Variants in CAMK2D observed in about 807,000 individuals in gnomAD.
The protein encoded by CAMK2D is calcium/calmodulin dependent protein kinase II delta.
Under a neutral mutation model 84.0 loss-of-function variants are expected in CAMK2D, and 37 were observed. That is an observed-to-expected ratio of 0.44 (90% CI 0.34 to 0.58). The LOEUF (loss-of-function observed/expected upper bound fraction) is 0.58, where lower values mean the gene tolerates loss of function less well. CAMK2D is among the 20% of genes least tolerant of loss of function. CAMK2D has a pLI of 0.02. For missense variants in CAMK2D, 448 were observed against 652.5 expected (o/e 0.69, Z 3.41); for synonymous variants, 202 against 212.5 (o/e 0.95, Z 0.43).
intron 2 of CAMK2D, among the ~76,000 whole-genome samples, chr4:113,710,917 G>A (rs2099490292): frequency 6.6e-6 from 1 of 152,090 alleles, no homozygotes; most frequent in African/African-American, 2.4e-5. Flanking sequence ...TCTAATGCAT[G>A]TCTTCTTTGG....
At chr4:113,719,882 G>T (rs1008222246) in intron 2 of CAMK2D, among the ~76,000 whole-genome samples, 10 of 152,136 alleles carry the variant, frequency 6.6e-5, no homozygotes, top group African/African-American at 1.7e-4. Context: ...ACAGAACTCA[G>T]AGAGACTACA....
chr4:113,469,437 T>TAAA (rs1309794661), intron 16 of CAMK2D, among the ~76,000 whole-genome samples: 6 of 152,340 alleles, frequency 3.9e-5, no homozygotes, highest in African/African-American at 1.4e-4. Context: ...GTTATCCTTC[T>TAAA]CTACCTGGAT....
chr4:113,601,382 A>G (rs115208123), intron 4 of CAMK2D, among the ~76,000 whole-genome samples: 1,557 of 152,290 alleles, frequency 0.01, 34 homozygotes, highest in African/African-American at 0.036. Flanking sequence ...TAATTGTTTT[A>G]TTAATTTTTC....
intron 2 of CAMK2D, among the ~76,000 whole-genome samples, chr4:113,689,783 T>C (rs1029871611): frequency 6.6e-6 from 1 of 152,170 alleles, no homozygotes. Flanking sequence ...TCTGAAATTA[T>C]CACATTTTAT....
chr4:113,613,457 T>C (rs1561359265), intron 3 of CAMK2D, among the ~76,000 whole-genome samples: 1 of 151,770 alleles, frequency 6.6e-6, no homozygotes, highest in Non-Finnish European at 1.5e-5. Flanking sequence ...AGAGAAGAAA[T>C]AAAAAAATTA....
In CAMK2D at chr4:113,452,248, G is replaced by A. The variant is rs1267750148; in HGVS notation, c.*2297C>T. 6.6e-6 allele frequency: 1 copy of A among 151,760 alleles called. No individual in the cohort carries two copies. Among genetic ancestry groups the A allele is most frequent in the African/African-American group, 2.4e-5 (1 of 41,322 alleles). 9.4% of individuals were successfully genotyped at this position (151,760 alleles called of 1,614,324 possible). ...TGTTCTCAGCAACATTTTCCCAGAA[G>A]AGACCATTGTTTTGCTCACAGAGAA... On this transcript the variant is annotated 3_prime_UTR_variant, in exon 21 of 21. Coordinates refer to ENST00000511664, the MANE Select transcript of CAMK2D (RefSeq NM_001321571.2).
At chr4:113,601,441 A>C (rs992843535) in intron 4 of CAMK2D, among the ~76,000 whole-genome samples, 9 of 152,136 alleles carry the variant, frequency 5.9e-5, no homozygotes, top group South Asian at 2.1e-4. Flanking sequence ...GAAAAAAAAA[A>C]CCACTAAAAT....
rs559857549 is a variant in CAMK2D at position 113,572,213 on chromosome 4, A to G, written c.276-20117T>C. Among the ~76,000 whole-genome samples, 14 of 152,300 alleles carry G rather than the reference A, an allele frequency of 9.2e-5. No individual in the cohort carries two copies. The South Asian group carries it at 2.9e-3, about 32-fold the overall frequency. ...AACTGTTTAAATAGAACTCATTTAC[A>G]TAAGAATTGTGTTGATAAAAATGTT... On this transcript the variant is annotated intron_variant, in intron 4 of 20. Coordinates refer to ENST00000511664, the MANE Select transcript of CAMK2D (RefSeq NM_001321571.2).
At chr4:113,610,864 G>C (rs1269788578) in intron 3 of CAMK2D, among the ~76,000 whole-genome samples, 1 of 151,950 alleles carries the variant, frequency 6.6e-6, no homozygotes, top group Non-Finnish European at 1.5e-5. Context: ...CCCTTCTTCA[G>C]TATATAGTCT....
chr4:113,454,555 T>C lies in CAMK2D; in HGVS notation c.*30-40A>G, dbSNP rs745952635. On this transcript the variant is annotated intron_variant, in intron 20 of 20. Transcript: ENST00000511664. ...GGGGAGGAAGAAATAAATTATATTGTTTTACAAAATATCATCAAATTGCTT... is the reference window on the plus strand; with the variant it reads ...GGGGAGGAAGAAATAAATTATATTGCTTTACAAAATATCATCAAATTGCTT... 7.6e-5 allele frequency: 59 copies of C among 775,718 alleles called. No individual in the cohort carries two copies. The South Asian group carries it at 7.7e-4, about 10-fold the overall frequency. 48.1% of individuals were successfully genotyped at this position (775,718 alleles called of 1,614,324 possible).
chr4:113,692,802 CCTAT>C (rs202154371), intron 2 of CAMK2D, among the ~76,000 whole-genome samples: 3,034 of 151,912 alleles, frequency 0.02, 115 homozygotes, highest in African/African-American at 0.069. Context: ...TATCTATCTA[CCTAT>C]CTATCTATCT....
At chr4:113,712,787 G>T (rs184568191) in intron 2 of CAMK2D, among the ~76,000 whole-genome samples, 1 of 151,724 alleles carries the variant, frequency 6.6e-6, no homozygotes, top group Admixed American at 6.6e-5. Flanking sequence ...AGAAAAAAAA[G>T]GGAAAAAAAG....
chr4:113,578,023 C>T (rs1391727983), intron 4 of CAMK2D, among the ~76,000 whole-genome samples: 2 of 152,132 alleles, frequency 1.3e-5, no homozygotes, highest in African/African-American at 2.4e-5. Flanking sequence ...AAGATGGTTG[C>T]AGAATCTGGC....
At chr4:113,738,385 G>A (rs2099585939) in intron 2 of CAMK2D, among the ~76,000 whole-genome samples, 1 of 152,066 alleles carries the variant, frequency 6.6e-6, no homozygotes, top group African/African-American at 2.4e-5. Context: ...ATGGTTTCAT[G>A]CAGCTGTTTA....
At chr4:113,740,555 T>C (rs1313523764) in intron 2 of CAMK2D, among the ~76,000 whole-genome samples, 6 of 152,100 alleles carry the variant, frequency 3.9e-5, no homozygotes, top group Admixed American at 3.3e-4. Context: ...AGTCAAGACC[T>C]GGACTCTTGA....
At chr4:113,494,059 A>G (rs1429329636) in intron 16 of CAMK2D, among the ~76,000 whole-genome samples, 1 of 152,014 alleles carries the variant, frequency 6.6e-6, no homozygotes, top group Non-Finnish European at 1.5e-5. Flanking sequence ...TTTTTTTCAA[A>G]GTTTTCAACT....
At chr4:113,633,561 C>T (rs1300926049) in intron 3 of CAMK2D, among the ~76,000 whole-genome samples, 1 of 152,178 alleles carries the variant, frequency 6.6e-6, no homozygotes. Context: ...AATCAAATTA[C>T]ACTTCCAGGG....
At chr4:113,559,817 C>T (rs1453900808) in intron 4 of CAMK2D, among the ~76,000 whole-genome samples, 1 of 134,448 alleles carries the variant, frequency 7.4e-6, no homozygotes, top group Admixed American at 7.2e-5. Flanking sequence ...AGGAAAGCTA[C>T]TGTAGATAAT....
chr4:113,502,860 C>T (rs1224668663), intron 15 of CAMK2D, 76 bp downstream of exon 15: 27 of 1,024,398 alleles, frequency 2.6e-5, no homozygotes, highest in Middle Eastern at 2.1e-4. Flanking sequence ...TTTTAGATAA[C>T]GAATTAATTT....
Sources: allele counts gnomAD v4.1 joint callset (sites outside exome capture counted in the v4.1 genomes callset), GRCh38; gene constraint gnomAD v4.1.1; transcripts MANE v1.5; gene names NCBI Gene and HGNC (gene_info 2026-07-23, HGNC 2026-07-21).